The following MACROD2 variants were observed in gnomAD, a reference collection of about 807,000 sequenced individuals.
The protein encoded by MACROD2 is mono-ADP ribosylhydrolase 2.
MACROD2 carries 36 observed loss-of-function variants against 70.4 expected under a neutral mutation model. That is an observed-to-expected ratio of 0.51 (90% CI 0.39 to 0.68). The LOEUF (loss-of-function observed/expected upper bound fraction) is 0.68. Ranked by LOEUF, MACROD2 falls within the 30% of genes least tolerant of loss-of-function variation. MACROD2 has a pLI of 0.00. For missense variants in MACROD2, 496 were observed against 538.4 expected (o/e 0.92, Z 0.78); for synonymous variants, 172 against 178.8 (o/e 0.96, Z 0.30).
At chr20:16,031,478 A>G (rs1041708061) in intron 15 of MACROD2, among the ~76,000 whole-genome samples, 32 of 152,190 alleles carry the variant, frequency 2.1e-4, no homozygotes, top group African/African-American at 7.5e-4. Context: ...CTCGGAATTC[A>G]TCCTTGGGAA....
chr20:15,263,587 A>C (rs2077267949), intron 6 of MACROD2, among the ~76,000 whole-genome samples: 1 of 152,090 alleles, frequency 6.6e-6, no homozygotes, highest in African/African-American at 2.4e-5. Flanking sequence ...CATTTTTTAT[A>C]GGGATTGCAT....
chr20:15,553,436 G>GT (rs2048124609), intron 8 of MACROD2, among the ~76,000 whole-genome samples: 1 of 152,096 alleles, frequency 6.6e-6, no homozygotes, highest in South Asian at 2.1e-4. Context: ...TTGTTTATTT[G>GT]TTCGAGATAG....
At chr20:14,228,932 G>T (rs535414961) in intron 3 of MACROD2, among the ~76,000 whole-genome samples, 1,734 of 151,554 alleles carry the variant, frequency 0.011, 29 homozygotes, top group Middle Eastern at 0.038. Flanking sequence ...GCTTGAACCT[G>T]GGAGGCAGCA....
At chr20:15,898,031 T>C (rs1431611493) in intron 10 of MACROD2, among the ~76,000 whole-genome samples, 1 of 152,240 alleles carries the variant, frequency 6.6e-6, no homozygotes. Flanking sequence ...GTTTTGTTTT[T>C]ATTTTGTTGG....
At chr20:14,360,242 G>A (rs2083208885) in intron 3 of MACROD2, among the ~76,000 whole-genome samples, 1 of 152,104 alleles carries the variant, frequency 6.6e-6, no homozygotes, top group Non-Finnish European at 1.5e-5. Context: ...TCGTATACTT[G>A]AAAATCGCTA....
chr20:15,867,480 T>C (rs1285903519), intron 9 of MACROD2, among the ~76,000 whole-genome samples: 6 of 152,188 alleles, frequency 3.9e-5, no homozygotes, highest in Admixed American at 2.6e-4. Context: ...ATCATACACT[T>C]TGGTTGCAAA....
At chr20:15,724,694 A>G (rs2050835800) in intron 8 of MACROD2, among the ~76,000 whole-genome samples, 1 of 152,122 alleles carries the variant, frequency 6.6e-6, no homozygotes, top group Non-Finnish European at 1.5e-5. Flanking sequence ...GTAGATTTAC[A>G]ATAGGTCTTG....
chr20:15,007,253 A>G (rs2075045597), intron 5 of MACROD2, among the ~76,000 whole-genome samples: 1 of 152,038 alleles, frequency 6.6e-6, no homozygotes, highest in Non-Finnish European at 1.5e-5. Context: ...AGTCCCAGCT[A>G]CTGGGGAGGC....
intron 4 of MACROD2, among the ~76,000 whole-genome samples, chr20:14,627,600 G>A (rs1468169516): frequency 2.0e-5 from 3 of 152,146 alleles, no homozygotes; most frequent in African/African-American, 7.2e-5. Context: ...TGGAGGGGAG[G>A]AAAACTTAGA....
At chr20:16,028,990 C>T (rs2067117945) in intron 15 of MACROD2, among the ~76,000 whole-genome samples, 1 of 152,172 alleles carries the variant, frequency 6.6e-6, no homozygotes, top group African/African-American at 2.4e-5. Context: ...TGTATTTCTC[C>T]CAGTTCTGGA....
At chr20:15,686,426 G>A (rs1373684101) in intron 8 of MACROD2, among the ~76,000 whole-genome samples, 1 of 151,998 alleles carries the variant, frequency 6.6e-6, no homozygotes, top group African/African-American at 2.4e-5. Context: ...CCAGGAAAAT[G>A]CCATTATTGC....
intron 4 of MACROD2, among the ~76,000 whole-genome samples, chr20:14,532,156 C>T (rs1568657231): frequency 6.6e-6 from 1 of 151,904 alleles, no homozygotes. Context: ...GATTTTAGTA[C>T]CCATGTTTCT....
intron 8 of MACROD2, among the ~76,000 whole-genome samples, chr20:15,806,327 A>C (rs1480783777): frequency 1.3e-5 from 2 of 152,188 alleles, no homozygotes; most frequent in Non-Finnish European, 2.9e-5. Context: ...TGGTTCAATG[A>C]AGATACTGAA....
chr20:15,245,561 AT>A (rs1169387843), intron 6 of MACROD2, among the ~76,000 whole-genome samples: 1 of 152,118 alleles, frequency 6.6e-6, no homozygotes, highest in South Asian at 2.1e-4. Context: ...CTTACTTATG[AT>A]TTTTTAGTTT....
At chr20:15,874,162 A>G (rs905747442) in intron 9 of MACROD2, among the ~76,000 whole-genome samples, 5 of 148,984 alleles carry the variant, frequency 3.4e-5, no homozygotes, top group African/African-American at 1.2e-4. Context: ...GAGAACATGC[A>G]GCATTTGGTT....
At chr20:15,561,016 T>C (rs963844597) in intron 8 of MACROD2, among the ~76,000 whole-genome samples, 2 of 152,064 alleles carry the variant, frequency 1.3e-5, no homozygotes, top group Non-Finnish European at 2.9e-5. Context: ...AGGAGAAATT[T>C]TAAAGATCCC....
At chr20:14,097,750 A>C (rs2054247562) in intron 3 of MACROD2, among the ~76,000 whole-genome samples, 1 of 152,364 alleles carries the variant, frequency 6.6e-6, no homozygotes, top group East Asian at 1.9e-4. Context: ...TTACATATAC[A>C]TAATGAGAAA....
At chr20:15,594,164 G>A (rs781655964) in intron 8 of MACROD2, among the ~76,000 whole-genome samples, 3 of 152,146 alleles carry the variant, frequency 2.0e-5, no homozygotes, top group African/African-American at 7.2e-5. Context: ...CATATTTTAT[G>A]ACTATAACTA....
chr20:15,588,629 C>T (rs978418055), intron 8 of MACROD2, among the ~76,000 whole-genome samples: 3 of 152,176 alleles, frequency 2.0e-5, no homozygotes, highest in Admixed American at 1.3e-4. Context: ...GCCAGATACC[C>T]TAAATCATCT....
Sources: gnomAD v4.1 joint callset for allele counts (sites outside exome capture counted in the v4.1 genomes callset) on GRCh38, gnomAD v4.1.1 for gene constraint, MANE v1.5 for transcripts, NCBI Gene and HGNC (gene_info 2026-07-23, HGNC 2026-07-21) for gene names.